The following BID variants were observed in gnomAD, a reference collection of about 807,000 sequenced individuals.
The protein encoded by BID is BH3 interacting domain death agonist, also known as BH3-interacting domain death agonist.
In BID, 19 loss-of-function variants were observed where a neutral mutation model predicts 17.4. That is an observed-to-expected ratio of 1.09 (90% confidence interval 0.76 to 1.60). The LOEUF (loss-of-function observed/expected upper bound fraction) is 1.60. Ranked by LOEUF, BID falls within the 40% of genes most tolerant of loss-of-function variation. BID has a pLI of 0.00. For missense variants in BID, 226 were observed against 256.0 expected, an observed-to-expected ratio of 0.88 and a Z score of 0.80; for synonymous variants, 108 against 102.8, an observed-to-expected ratio of 1.05 and a Z score of -0.31.
chr22:17,768,135 T>C (rs1207317429), intron 1 of BID, among the ~76,000 whole-genome samples: 1 of 152,218 alleles, frequency 6.6e-6, no homozygotes, highest in Non-Finnish European at 1.5e-5. Context: ...CACCAGTGTG[T>C]CTGGAGCTTC....
At position 17,773,264 on chromosome 22, in the gene BID, T is replaced by G. The variant is rs1387089191; in HGVS notation, c.-59+1117A>C. Among the ~76,000 whole-genome samples, 1 of 152,022 alleles carries G rather than the reference T, an allele frequency of 6.6e-6. No individual in the cohort carries two copies. Among genetic ancestry groups the G allele is most frequent in the African/African-American group, 2.4e-5 (1 of 41,392 alleles). ...TCAACTCCTGATGCCAGAGGATCCCTCTGCGCTCCCCACACCCTTAAGACC... is the reference window on the plus strand; with the variant it reads ...TCAACTCCTGATGCCAGAGGATCCCGCTGCGCTCCCCACACCCTTAAGACC... On this transcript the variant is annotated intron_variant, in intron 1 of 5. Transcript: ENST00000622694. This position sits in a 1 kb window ranked among gnomAD's most constrained non-coding sequence, Gnocchi z 4.4.
At position 17,773,816 on chromosome 22, in the gene BID, A is replaced by C; in HGVS notation, c.-59+565T>G. 1 of 915,018 alleles carries C rather than the reference A, an allele frequency of 1.1e-6. No individual in the cohort carries two copies. The highest frequency in any genetic ancestry group is 1.7e-6 in the Non-Finnish European group (1 of 597,728). The allele number at this position is 915,018 out of a possible 1,614,324, so 56.7% of individuals were successfully genotyped here. On this transcript the variant is annotated intron_variant, in intron 1 of 5. Transcript: ENST00000622694. The surrounding 1 kb of genome is among the most constrained non-coding windows in gnomAD (Gnocchi z 4.4). ...CAACAGTTTCCCAGCAGCAGCAGCGAGGATCCGCACATCATTGCCAGTGCT... is the reference window on the plus strand; with the variant it reads ...CAACAGTTTCCCAGCAGCAGCAGCGCGGATCCGCACATCATTGCCAGTGCT...
chr22:17,753,663 C>T (rs1415233402), intron 1 of BID, among the ~76,000 whole-genome samples: 1 of 152,250 alleles, frequency 6.6e-6, no homozygotes, highest in Non-Finnish European at 1.5e-5. Context: ...CGGCCCTACG[C>T]CCATCCCAAC....
chr22:17,737,869 G>C (rs1264750702), intron 5 of BID, 148 bp downstream of exon 5: 2 of 802,584 alleles, frequency 2.5e-6, no homozygotes, highest in African/African-American at 3.4e-5. Flanking sequence ...CAGCTTTCTA[G>C]CTCACAACAG....
At chr22:17,766,826 G>A (rs575807387) in intron 1 of BID, among the ~76,000 whole-genome samples, 124 of 151,800 alleles carry the variant, frequency 8.2e-4, no homozygotes, top group African/African-American at 2.9e-3. Context: ...TCCTGACCTC[G>A]TGATCTGCCT....
intron 1 of BID, among the ~76,000 whole-genome samples, chr22:17,751,648 C>T (rs1439243737): frequency 6.6e-6 from 1 of 152,224 alleles, no homozygotes; most frequent in Non-Finnish European, 1.5e-5. Flanking sequence ...GTAGCACTGA[C>T]ATGCGCATCA....
intron 1 of BID, among the ~76,000 whole-genome samples, chr22:17,768,117 G>A (rs1474327888): frequency 2.6e-5 from 4 of 152,206 alleles, no homozygotes; most frequent in Admixed American, 6.5e-5. Context: ...CCAGGGCTGC[G>A]GAGCAGCCAC....
chr22:17,738,134 C>G lies in BID; in HGVS notation c.459G>C (p.Leu153=), dbSNP rs1178208760. Residue 153 remains leucine, a synonymous_variant, in exon 5 of 6, where the codon CTG becomes CTC. Coordinates refer to ENST00000622694, the MANE Select transcript of BID (RefSeq NM_001196.4). The part of the protein sequence containing the change: ...EKEKTMLVLA[L]LLAKKVASHT... ...GACTGGCCACCTTCTTGGCCAGCAGCAGGGCCAGCACCAGCATGGTCTTCT... is the reference window on the plus strand; with the variant it reads ...GACTGGCCACCTTCTTGGCCAGCAGGAGGGCCAGCACCAGCATGGTCTTCT... 6.2e-7 allele frequency: 1 copy of G among 1,613,940 alleles called. No individual in the cohort carries two copies. The highest frequency in any genetic ancestry group is 1.3e-5 in the African/African-American group (1 of 74,934).
intron 2 of BID, among the ~76,000 whole-genome samples, chr22:17,748,332 AC>A: frequency 6.7e-6 from 1 of 149,612 alleles, no homozygotes; most frequent in South Asian, 2.1e-4. Context: ...ACACGGTGAA[AC>A]CCCGTCTTTA....
chr22:17,741,755 C>T (rs568506732), intron 3 of BID, among the ~76,000 whole-genome samples: 6 of 152,258 alleles, frequency 3.9e-5, no homozygotes, highest in East Asian at 1.9e-4. Flanking sequence ...GGATTACAGG[C>T]GTGAACCACT....
chr22:17,736,475 AAAT>A (rs1270867391), intron 5 of BID, among the ~76,000 whole-genome samples: 9 of 136,688 alleles, frequency 6.6e-5, no homozygotes, highest in African/African-American at 1.1e-4. Flanking sequence ...AAAAAAAAAA[AAAT>A]TCCCAAACAT....
rs2061431115 is a variant in BID at position 17,737,924 on chromosome 22, A to G, written c.576+93T>C. The G allele has an allele frequency of 3.8e-6, 5 of 1,332,022 alleles. No individual in the cohort carries two copies. The South Asian group carries it at 6.2e-5, about 17-fold the overall frequency. The allele number at this position is 1,332,022 out of a possible 1,614,324, so 82.5% of individuals were successfully genotyped here. ...GACAGCCTGTAACCCTTGTGCTGGC[A>G]TCAGAGGCAGGGGCCCCGCTGGGCT... On this transcript the variant is annotated intron_variant, in intron 5 of 5. Transcript: ENST00000622694.
chr22:17,765,382 C>T (rs942926310), intron 1 of BID, among the ~76,000 whole-genome samples: 1 of 152,108 alleles, frequency 6.6e-6, no homozygotes, highest in Admixed American at 6.5e-5. Context: ...GAAAAAAACC[C>T]AGGTATACCT....
Position 17,743,786 on chromosome 22 carries a change from T to C in BID, c.223+17A>G, listed in dbSNP as rs978578139. ...AGAAGCCCAGCTTTGGGGAAGGAGG[T>C]GGGGCCGGCCGCCTACCTGCCTCTA... is the stretch of plus-strand genomic sequence containing the variant. On this transcript the variant is annotated intron_variant, in intron 3 of 5. Coordinates refer to ENST00000622694, the MANE Select transcript of BID (RefSeq NM_001196.4). 1.3e-6 allele frequency: 2 copies of C among 1,598,680 alleles called. No homozygotes were observed. Among genetic ancestry groups the C allele is most frequent in the Admixed American group, 3.4e-5 (2 of 58,132 alleles).
chr22:17,743,975 T>C lies in BID; in HGVS notation c.51A>G (p.Thr17=). 2 of 1,614,030 alleles carry C rather than the reference T, an allele frequency of 1.2e-6. No homozygotes were observed. Among genetic ancestry groups the C allele is most frequent in the Non-Finnish European group, 1.7e-6 (2 of 1,180,012 alleles). ...GGAGGAAGCCAAACACCAGTAGGTT[T>C]GTGATGCACTCATCCCTGAGGCTGG... is the stretch of plus-strand genomic sequence containing the variant. ...NGSSLRDECI[T]NLLVFGFLQS... The change falls in exon 3 of 6, where the codon ACA becomes ACG. Residue 17 remains threonine, a synonymous_variant. Transcript: ENST00000622694.
chr22:17,739,862 G>A (rs1011984463), intron 3 of BID: 2 of 617,684 alleles, frequency 3.2e-6, no homozygotes, highest in African/African-American at 3.7e-5. Context: ...AGCCGTTGGG[G>A]AAGGGGCTCT....
intron 1 of BID, among the ~76,000 whole-genome samples, chr22:17,771,003 C>T (rs1041391146): frequency 6.6e-6 from 1 of 152,210 alleles, no homozygotes; most frequent in African/African-American, 2.4e-5. Context: ...AGGCCACCCA[C>T]GGCTTCCACT....
chr22:17,754,951 G>C (rs2061570591), intron 1 of BID, among the ~76,000 whole-genome samples: 2 of 151,920 alleles, frequency 1.3e-5, no homozygotes, highest in Admixed American at 1.3e-4. Context: ...TTTTAGTAGA[G>C]ACGGACTTTC....
intron 2 of BID, among the ~76,000 whole-genome samples, chr22:17,746,776 G>A (rs1601846465): frequency 6.6e-6 from 1 of 152,262 alleles, no homozygotes; most frequent in African/African-American, 2.4e-5. Flanking sequence ...GAAGACAGAG[G>A]CAGCCACAGG....
Sources: allele counts gnomAD v4.1 joint callset (sites outside exome capture counted in the v4.1 genomes callset), GRCh38; gene constraint gnomAD v4.1.1; non-coding constraint Gnocchi (gnomAD v3.1); transcripts MANE v1.5; gene names NCBI Gene and HGNC (gene_info 2026-07-23, HGNC 2026-07-21).